Variants in TOMM6 observed in about 807,000 individuals in gnomAD.
TOMM6 encodes the protein mitochondrial import receptor subunit TOM6 homolog.
Under a neutral mutation model 6.0 loss-of-function variants are expected in TOMM6, and 6 were observed. The observed-to-expected ratio is 1.00, with a 90% CI of 0.55 to 1.98. The LOEUF is 1.98. Ranked by LOEUF, TOMM6 falls within the 30% of genes most tolerant of loss-of-function variation. The probability of loss-of-function intolerance (pLI) is 0.00; values close to 1 mark genes in which losing one functional copy is unlikely to be tolerated. For missense variants in TOMM6, 104 were observed against 95.3 expected (o/e 1.09, Z -0.38); for synonymous variants, 44 against 36.3 (o/e 1.21, Z -0.76).
chr6:41,789,065 C>CA (rs1772744723), intron 1 of TOMM6, among the ~76,000 whole-genome samples, 167 bp from the exon 2 acceptor site: 1 of 152,178 alleles, frequency 6.6e-6, no homozygotes, highest in South Asian at 2.1e-4. Flanking sequence ...TTACTAGGCA[C>CA]AAAAATGAAC....
chr6:41,787,891 G>A, intron 1 of TOMM6, 66 bp downstream of exon 1: 1 of 1,529,466 alleles, frequency 6.5e-7, no homozygotes, highest in Non-Finnish European at 8.8e-7. Flanking sequence ...TTTCTTGCGA[G>A]GCTGGCGCCT....
In TOMM6 at chr6:41,789,854, T is replaced by C. The variant is rs1772763647; in HGVS notation, c.*295T>C. The C allele has an allele frequency of 2.6e-5, 4 of 152,486 alleles. No individual in the cohort carries two copies. The highest frequency in any genetic ancestry group is 2.6e-4 in the Admixed American group (4 of 15,312). 9.4% of individuals were successfully genotyped at this position (152,486 alleles called of 1,614,324 possible). A position where few individuals can be genotyped will look rare whatever the true frequency, so the allele number is the denominator to read the frequency against. ...CTCTTGTCCTGAGAAATAACAGTGC[T>C]GTTTTAAAAAACATTTGAAATAAAT... is the stretch of plus-strand genomic sequence containing the variant. On this transcript the variant is annotated 3_prime_UTR_variant, in exon 3 of 3. Transcript: ENST00000398881.
chr6:41,789,229 C>T lies in TOMM6; in HGVS notation c.129-3C>T. ...GGGTTAATAAAACACATTGTTTTTC[C>T]AGGAACTTGATACTAAATTTGGGAC... On this transcript the variant is annotated splice_region_variant and splice_polypyrimidine_tract_variant and intron_variant, in intron 1 of 2. Coordinates refer to ENST00000398881, the MANE Select transcript of TOMM6 (RefSeq NM_001382294.1). 1 of 1,550,232 alleles carries T rather than the reference C, an allele frequency of 6.5e-7. No homozygotes were observed. The highest frequency in any genetic ancestry group is 8.7e-7 in the Non-Finnish European group (1 of 1,146,798).
chr6:41,789,021 G>A (rs1473370262), intron 1 of TOMM6, among the ~76,000 whole-genome samples: 2 of 152,208 alleles, frequency 1.3e-5, no homozygotes, highest in African/African-American at 4.8e-5. Flanking sequence ...TGGGATTACA[G>A]GCGTGAACCA....
chr6:41,787,905 G>C, intron 1 of TOMM6, 80 bp downstream of exon 1: 1 of 1,514,358 alleles, frequency 6.6e-7, no homozygotes, highest in Non-Finnish European at 8.9e-7. Flanking sequence ...GGCGCCTCAG[G>C]GTTTTTTGTT....
At chr6:41,788,238 G>A (rs1269912278) in intron 1 of TOMM6, among the ~76,000 whole-genome samples, 6 of 147,134 alleles carry the variant, frequency 4.1e-5, no homozygotes, top group East Asian at 2.0e-4. Flanking sequence ...TCCGCCTCCC[G>A]GGTTCACGCC....
Position 41,789,556 on chromosome 6 carries a change from AT to A in TOMM6, c.*9-11del, listed in dbSNP as rs1435485511. 49 of 463,996 alleles carry A rather than the reference AT, an allele frequency of 1.1e-4. No homozygotes were observed. The East Asian group carries it at 1.8e-3, about 17-fold the overall frequency. The allele number at this position is 463,996 out of a possible 1,614,324, so 28.7% of individuals were successfully genotyped here. On this transcript the variant is annotated splice_polypyrimidine_tract_variant and intron_variant, in intron 2 of 2. Transcript: ENST00000398881. Reference sequence around the variant, plus strand: ...TTCTAATGCCACCTGTCGTCTTATCATCTGATTGCAGACAAATGGAATCCTG... The same window carrying A: ...TTCTAATGCCACCTGTCGTCTTATCACTGATTGCAGACAAATGGAATCCTG...
In TOMM6 at chr6:41,787,719, G is replaced by A. The variant is rs1034007087; in HGVS notation, c.22G>A (p.Val8Met). 1.1e-5 allele frequency: 17 copies of A among 1,551,618 alleles called. No individual in the cohort carries two copies. In the African/African-American group the frequency reaches 1.9e-4, roughly 17 times the overall value. ...CACTATGGCTTCCAGCACTGTCCCG[G>A]TGAGCGCTGCTGGCTCGGCTAATGA... MASSTVP[V>M]SAAGSANETP... Residue 8 changes from valine to methionine, a missense_variant, in exon 1 of 3, where the codon GTG (valine) becomes ATG (methionine). Coordinates refer to ENST00000398881, the MANE Select transcript of TOMM6 (RefSeq NM_001382294.1).
chr6:41,789,817 G>A lies in TOMM6; in HGVS notation c.*258G>A, dbSNP rs1772762430. 1 of 153,116 alleles carries A rather than the reference G, an allele frequency of 6.5e-6. No individual in the cohort carries two copies. Among genetic ancestry groups the A allele is most frequent in the Admixed American group, 6.5e-5 (1 of 15,470 alleles). The allele number at this position is 153,116 out of a possible 1,614,324, so 9.5% of individuals were successfully genotyped here. ...TACATAGTTCCCAAGCTTCTGCAGG[G>A]GGTGATTTTTGCTCTTGTCCTGAGA... is the stretch of plus-strand genomic sequence containing the variant. On this transcript the variant is annotated 3_prime_UTR_variant, in exon 3 of 3. Coordinates refer to ENST00000398881, the MANE Select transcript of TOMM6 (RefSeq NM_001382294.1).
chr6:41,789,164 A>C (rs1398180731), intron 1 of TOMM6, 68 bp from the exon 2 acceptor site: 4 of 1,386,334 alleles, frequency 2.9e-6, no homozygotes, highest in Admixed American at 3.9e-5. Context: ...CTTTCCCCCC[A>C]GTACATTTCG....
In TOMM6 at chr6:41,787,743, G is replaced by A. The variant is rs183107025; in HGVS notation, c.46G>A (p.Glu16Lys). 7.7e-6 allele frequency: 12 copies of A among 1,551,714 alleles called. No individual in the cohort carries two copies. The highest frequency in any genetic ancestry group is 1.7e-4 in the Middle Eastern group (1 of 5,992). Residue 16 changes from glutamate to lysine, a missense_variant, in exon 1 of 3, where the codon GAA becomes AAA. Coordinates refer to ENST00000398881, the MANE Select transcript of TOMM6 (RefSeq NM_001382294.1). ...VPVSAAGSAN[E>K]TPEIPDNVGD... ...GGTGAGCGCTGCTGGCTCGGCTAATGAAACTCCCGAAATACCGGACAACGT... is the reference window on the plus strand; with the variant it reads ...GGTGAGCGCTGCTGGCTCGGCTAATAAAACTCCCGAAATACCGGACAACGT...
rs1018604227 is a variant in TOMM6 at position 41,788,293 on chromosome 6, C to G, written c.128+468C>G. On this transcript the variant is annotated intron_variant, in intron 1 of 2. Transcript: ENST00000398881. ...CCGAGTAGCTGGGACTACGGCCGCC[C>G]GCCACCACGCCCTGCTAATTTTTTG... 4.0e-5 allele frequency among the ~76,000 whole-genome samples: 6 copies of G among 150,686 alleles called. No homozygotes were observed. In the South Asian group the frequency reaches 8.4e-4, roughly 21 times the overall value.
intron 1 of TOMM6, 143 bp from the exon 2 acceptor site, chr6:41,789,089 G>C (rs1772745264): frequency 8.2e-6 from 6 of 731,872 alleles, no homozygotes; most frequent in Non-Finnish European, 4.7e-6. Context: ...AAATTCCCAC[G>C]TGGGTCTTGA....
In TOMM6 at chr6:41,789,334, T is replaced by A. The variant is rs1772751490; in HGVS notation, c.*6T>A. ...CACCTCAGCCAGGGGTGTAGCCAAG[T>A]AGGTAAGCACTGAACTACACCCATG... On this transcript the variant is annotated splice_region_variant and 3_prime_UTR_variant, in exon 2 of 3. Transcript: ENST00000398881. 6.4e-7 allele frequency: 1 copy of A among 1,551,054 alleles called. No homozygotes were observed. The highest frequency in any genetic ancestry group is 2.0e-5 in the Admixed American group (1 of 50,978).
At position 41,789,319 on chromosome 6, in the gene TOMM6, A is replaced by T. The variant is rs1427388677; in HGVS notation, c.216A>T (p.Pro72=). 1 of 1,551,600 alleles carries T rather than the reference A, an allele frequency of 6.4e-7. No individual in the cohort carries two copies. The highest frequency in any genetic ancestry group is 8.7e-7 in the Non-Finnish European group (1 of 1,146,978). ...ACATTGACCTCATGGCACCTCAGCCAGGGGTGTAGCCAAGTAGGTAAGCAC... is the reference window on the plus strand; with the variant it reads ...ACATTGACCTCATGGCACCTCAGCCTGGGGTGTAGCCAAGTAGGTAAGCAC... ...LSDIDLMAPQ[P]GV The change falls in exon 2 of 3, where the codon CCA becomes CCT. Residue 72 remains proline (P), a synonymous_variant. Transcript: ENST00000398881.
At chr6:41,788,244 A>C (rs1479102560) in intron 1 of TOMM6, among the ~76,000 whole-genome samples, 5 of 146,014 alleles carry the variant, frequency 3.4e-5, no homozygotes, top group Admixed American at 7.0e-5. Context: ...TCCCGGGTTC[A>C]CGCCATTCTC....
At position 41,787,757 on chromosome 6, in the gene TOMM6, A is replaced by G. The variant is rs1319337369; in HGVS notation, c.60A>G (p.Ile20Met). Residue 20 changes from isoleucine (I) to methionine (M), a missense_variant, in exon 1 of 3, where the codon ATA becomes ATG. By Grantham distance (10) the Ile-to-Met change is conservative. Coordinates refer to ENST00000398881, the MANE Select transcript of TOMM6 (RefSeq NM_001382294.1). ...AAGSANETPE[I>M]PDNVGDWLRG... ...GCTCGGCTAATGAAACTCCCGAAAT[A>G]CCGGACAACGTGGGAGATTGGCTTC... 1.4e-5 allele frequency: 22 copies of G among 1,551,384 alleles called. No homozygotes were observed. Among genetic ancestry groups the G allele is most frequent in the Admixed American group, 1.2e-4 (6 of 50,980 alleles).
chr6:41,789,593 G>A lies in TOMM6; in HGVS notation c.*34G>A. 2.8e-6 allele frequency: 1 copy of A among 359,462 alleles called. No homozygotes were observed. The highest frequency in any genetic ancestry group is 5.3e-6 in the Non-Finnish European group (1 of 188,884). The allele number at this position is 359,462 out of a possible 1,614,324, so 22.3% of individuals were successfully genotyped here. A position where few individuals can be genotyped will look rare whatever the true frequency, so the allele number is the denominator to read the frequency against. On this transcript the variant is annotated 3_prime_UTR_variant, in exon 3 of 3. Coordinates refer to ENST00000398881, the MANE Select transcript of TOMM6 (RefSeq NM_001382294.1). ...ACAAATGGAATCCTGTGCTGAACCCGAATCTTCCAAAAAACAGCCTACAAT... is the reference window on the plus strand; with the variant it reads ...ACAAATGGAATCCTGTGCTGAACCCAAATCTTCCAAAAAACAGCCTACAAT...
In TOMM6 at chr6:41,789,668, A is replaced by C; in HGVS notation, c.*109A>C. 1 of 254,812 alleles carries C rather than the reference A, an allele frequency of 3.9e-6. No homozygotes were observed. The highest frequency in any genetic ancestry group is 7.9e-6 in the Non-Finnish European group (1 of 126,476). The allele number at this position is 254,812 out of a possible 1,614,324, so 15.8% of individuals were successfully genotyped here. A position where few individuals can be genotyped will look rare whatever the true frequency, so the allele number is the denominator to read the frequency against. Reference sequence around the variant, plus strand: ...TGATGGCAGCTGAAGTTTGATTCAGATGGGCACTTTTCTTCCCCTTCCCTG... The same window carrying C: ...TGATGGCAGCTGAAGTTTGATTCAGCTGGGCACTTTTCTTCCCCTTCCCTG... On this transcript the variant is annotated 3_prime_UTR_variant, in exon 3 of 3. Coordinates refer to ENST00000398881, the MANE Select transcript of TOMM6 (RefSeq NM_001382294.1).
Sources: allele counts gnomAD v4.1 joint callset (sites outside exome capture counted in the v4.1 genomes callset), GRCh38; gene constraint gnomAD v4.1.1; transcripts MANE v1.5; gene names NCBI Gene and HGNC (gene_info 2026-07-23, HGNC 2026-07-21).